Variants in ANKS1B observed in about 807,000 individuals in gnomAD.
ANKS1B encodes ankyrin repeat and sterile alpha motif domain containing 1B.
ANKS1B carries 36 observed loss-of-function variants against 148.3 expected under a neutral mutation model. The observed-to-expected ratio is 0.24, with a 90% CI of 0.19 to 0.32. The LOEUF is 0.32. Ranked by LOEUF, ANKS1B falls within the 10% of genes least tolerant of loss-of-function variation. The probability of loss-of-function intolerance (pLI) is 1.00; values close to 1 mark genes in which losing one functional copy is unlikely to be tolerated. For synonymous variants in ANKS1B, 542 were observed against 560.8 expected, an observed-to-expected ratio of 0.97 and a Z score of 0.47; for missense variants, 1,157 against 1,542.6, an observed-to-expected ratio of 0.75 and a Z score of 4.19.
At chr12:99,169,026 TA>T (rs773363957) in intron 14 of ANKS1B, among the ~76,000 whole-genome samples, 60 of 152,326 alleles carry the variant, frequency 3.9e-4, no homozygotes, top group Admixed American at 8.5e-4. Context: ...TCGAGTTCAT[TA>T]GGGGGAAAAT....
intron 22 of ANKS1B, among the ~76,000 whole-genome samples, chr12:98,792,656 T>C (rs1047249286): frequency 6.6e-6 from 1 of 152,214 alleles, no homozygotes; most frequent in South Asian, 2.1e-4. Context: ...TCTCTACTTG[T>C]ATGAGATCAA....
intron 8 of ANKS1B, among the ~76,000 whole-genome samples, chr12:99,738,798 G>A (rs1311854896): frequency 6.6e-6 from 1 of 152,112 alleles, no homozygotes; most frequent in Non-Finnish European, 1.5e-5. Context: ...AGTAAATAAA[G>A]AAAACCAACA....
intron 4 of ANKS1B, 29 bp downstream of exon 4, chr12:99,806,374 CT>C (rs780741778): frequency 6.2e-7 from 1 of 1,608,896 alleles, no homozygotes; most frequent in African/African-American, 1.3e-5. Context: ...AGCATCATCA[CT>C]TTTAAAGCAT....
At chr12:98,967,964 ATGGACTGGGATTGGGG>A (rs1238497495) in intron 17 of ANKS1B, among the ~76,000 whole-genome samples, 1 of 152,058 alleles carries the variant, frequency 6.6e-6, no homozygotes, top group Non-Finnish European at 1.5e-5. Context: ...TCTATGCCCT[ATGGACTGGGATTGGGG>A]TGGGCACTGG....
At chr12:98,889,916 T>C (rs2099748672) in intron 17 of ANKS1B, among the ~76,000 whole-genome samples, 2 of 152,020 alleles carry the variant, frequency 1.3e-5, no homozygotes, top group Admixed American at 6.6e-5. Context: ...GAGGAACGAG[T>C]TTCTGGGAGG....
At chr12:99,324,910 G>C (rs901695751) in intron 12 of ANKS1B, among the ~76,000 whole-genome samples, 1 of 152,058 alleles carries the variant, frequency 6.6e-6, no homozygotes, top group Non-Finnish European at 1.5e-5. Flanking sequence ...CTGAATGTTG[G>C]TCATTCACCT....
intron 14 of ANKS1B, among the ~76,000 whole-genome samples, chr12:99,163,055 CAA>C (rs755439443): frequency 1.7e-5 from 2 of 117,538 alleles, no homozygotes; most frequent in South Asian, 2.6e-4. Flanking sequence ...GAGACTCTGT[CAA>C]AAAAAAAAAA....
chr12:99,970,930 A>G (rs2095550211), intron 1 of ANKS1B, among the ~76,000 whole-genome samples: 1 of 152,152 alleles, frequency 6.6e-6, no homozygotes, highest in Non-Finnish European at 1.5e-5. Flanking sequence ...GATCTATCCC[A>G]TTATTCTGCA....
At chr12:98,988,730 G>A (rs778834945) in intron 17 of ANKS1B, among the ~76,000 whole-genome samples, 42 of 151,990 alleles carry the variant, frequency 2.8e-4, no homozygotes, top group Non-Finnish European at 5.3e-4. Context: ...AGTGTACAGG[G>A]TTCTCTTTTC....
At chr12:98,848,756 T>TTTTTTTTTTTTTTATAAG in intron 17 of ANKS1B, among the ~76,000 whole-genome samples, 1 of 140,598 alleles carries the variant, frequency 7.1e-6, no homozygotes, top group Non-Finnish European at 1.5e-5. Flanking sequence ...TTTTTTTTTT[T>TTTTTTTTTTTTTTATAAG]GAGACGGAGT....
chr12:98,866,091 T>A (rs756050870), intron 17 of ANKS1B, among the ~76,000 whole-genome samples: 1 of 152,088 alleles, frequency 6.6e-6, no homozygotes, highest in Non-Finnish European at 1.5e-5. Flanking sequence ...CCTAATACCA[T>A]CACTTTAGGA....
At chr12:99,933,801 A>G (rs914697519) in intron 1 of ANKS1B, among the ~76,000 whole-genome samples, 1 of 152,094 alleles carries the variant, frequency 6.6e-6, no homozygotes. Context: ...GAAAGGAAGC[A>G]TCTTTGTCTT....
chr12:98,907,103 T>C (rs769582911), intron 17 of ANKS1B, among the ~76,000 whole-genome samples: 3 of 151,802 alleles, frequency 2.0e-5, no homozygotes, highest in Admixed American at 2.0e-4. Flanking sequence ...AAGTATACAA[T>C]ACATTATTAT....
At chr12:99,776,058 C>T (rs10860519) in intron 6 of ANKS1B, among the ~76,000 whole-genome samples, 26,367 of 152,082 alleles carry the variant, frequency 0.17, 2,848 homozygotes, top group East Asian at 0.5. Context: ...ACAGGAATGT[C>T]AAATTCAGAT....
Position 98,957,321 on chromosome 12 carries a change from ATTTATT to A in ANKS1B, c.2778+95830_2778+95835del, listed in dbSNP as rs1568009864. 2.1e-3 allele frequency among the ~76,000 whole-genome samples: 101 copies of A among 47,830 alleles called. 1 individual carries two copies. The highest frequency in any genetic ancestry group is 0.011 in the African/African-American group (94 of 8,226). 31.4% of individuals were successfully genotyped at this position (47,830 alleles called of 152,430 possible). On this transcript the variant is annotated intron_variant, in intron 17 of 26. Coordinates refer to ENST00000683438, the MANE Select transcript of ANKS1B (RefSeq NM_001352186.2). ...CAGGATTTTTTTTAAATATTTATTT[ATTTATT>A]TATTTATTTATTTATTTATTTATTT...
intron 16 of ANKS1B, among the ~76,000 whole-genome samples, chr12:99,084,623 CAGG>C (rs2050979736): frequency 6.6e-6 from 1 of 152,212 alleles, no homozygotes; most frequent in African/African-American, 2.4e-5. Flanking sequence ...GAAGATGAAG[CAGG>C]AGAATTGCTT....
intron 16 of ANKS1B, among the ~76,000 whole-genome samples, chr12:99,073,065 T>C (rs758434520): frequency 6.6e-6 from 1 of 152,264 alleles, no homozygotes; most frequent in Non-Finnish European, 1.5e-5. Flanking sequence ...AAACCTTCTT[T>C]TTAAAAGTGT....
chr12:99,028,712 A>C (rs1190971062), intron 17 of ANKS1B, among the ~76,000 whole-genome samples: 1 of 152,218 alleles, frequency 6.6e-6, no homozygotes, highest in African/African-American at 2.4e-5. Flanking sequence ...TGTACAAAAG[A>C]ATAATGAGAT....
At chr12:98,968,031 G>C (rs1445086255) in intron 17 of ANKS1B, among the ~76,000 whole-genome samples, 9 of 152,110 alleles carry the variant, frequency 5.9e-5, no homozygotes, top group Admixed American at 5.9e-4. Context: ...TAGGAAGAGA[G>C]CTCATGGTGG....
Sources: allele counts gnomAD v4.1 joint callset (sites outside exome capture counted in the v4.1 genomes callset), GRCh38; gene constraint gnomAD v4.1.1; transcripts MANE v1.5; gene names NCBI Gene and HGNC (gene_info 2026-07-23, HGNC 2026-07-21).